ZBTB16: variants seen among roughly 807,000 people sequenced by gnomAD.
The protein encoded by ZBTB16 is zinc finger and BTB domain-containing protein 16.
In ZBTB16, 8 loss-of-function variants were observed where a neutral mutation model predicts 56.8. The ratio of observed to expected loss-of-function variants is 0.14; its 90% confidence interval spans 0.08 to 0.25. The LOEUF (loss-of-function observed/expected upper bound fraction) is 0.25. Ranked by LOEUF, ZBTB16 falls within the 10% of genes least tolerant of loss-of-function variation. The pLI is 1.00. For synonymous variants in ZBTB16, 363 were observed against 368.5 expected (o/e 0.98, Z 0.17); for missense variants, 625 against 903.0 (o/e 0.69, Z 3.95).
chr11:114,065,817 G>A (rs766282054), intron 2 of ZBTB16, among the ~76,000 whole-genome samples: 6 of 152,176 alleles, frequency 3.9e-5, no homozygotes, highest in Non-Finnish European at 8.8e-5. Flanking sequence ...TTCAAATTTA[G>A]GTCCTTACCC....
chr11:114,087,126 A>G (rs1271426097), intron 2 of ZBTB16, among the ~76,000 whole-genome samples: 2 of 152,142 alleles, frequency 1.3e-5, no homozygotes, highest in Admixed American at 6.5e-5. Flanking sequence ...CTGTTTCATC[A>G]TCTGCAAAAT....
intron 4 of ZBTB16, among the ~76,000 whole-genome samples, chr11:114,195,456 G>A (rs980350013): frequency 2.6e-5 from 4 of 152,156 alleles, no homozygotes; most frequent in African/African-American, 9.7e-5. Flanking sequence ...ATGACTGCCT[G>A]GGGACAAGAG....
At chr11:114,115,131 C>A (rs979220641) in intron 2 of ZBTB16, among the ~76,000 whole-genome samples, 2 of 152,162 alleles carry the variant, frequency 1.3e-5, no homozygotes, top group African/African-American at 4.8e-5. Context: ...CTGTATACTT[C>A]TTTAATTTCT....
intron 2 of ZBTB16, among the ~76,000 whole-genome samples, chr11:114,154,613 G>A (rs575763760): frequency 6.6e-6 from 1 of 152,186 alleles, no homozygotes; most frequent in Non-Finnish European, 1.5e-5. Context: ...TCTATTTAGA[G>A]TTAAGAATGT....
In ZBTB16 at chr11:114,186,938, C is replaced by CT. The variant is rs1943373895; in HGVS notation, c.1367-13dup. Reference sequence around the variant, plus strand: ...ACTATTGCTCTAGTGGTAACTGCCTCTCCTTTCTTTCAGCGGGTGCCAAAG... The same window carrying CT: ...ACTATTGCTCTAGTGGTAACTGCCTCTTCCTTTCTTTCAGCGGGTGCCAAAG... On this transcript the variant is annotated splice_polypyrimidine_tract_variant and intron_variant, in intron 3 of 6. Coordinates refer to ENST00000335953, the MANE Select transcript of ZBTB16 (RefSeq NM_006006.6). 1 of 1,613,720 alleles carries CT rather than the reference C, an allele frequency of 6.2e-7. No homozygotes were observed. The highest frequency in any genetic ancestry group is 8.5e-7 in the Non-Finnish European group (1 of 1,179,938).
intron 4 of ZBTB16, among the ~76,000 whole-genome samples, chr11:114,211,980 T>A (rs1944007196): frequency 6.6e-6 from 1 of 152,214 alleles, no homozygotes; most frequent in Admixed American, 6.5e-5. Flanking sequence ...CTCGCCCTCC[T>A]GGCATGTGAT....
chr11:114,204,594 C>A (rs1315362544), intron 4 of ZBTB16, among the ~76,000 whole-genome samples: 1 of 152,186 alleles, frequency 6.6e-6, no homozygotes, highest in Non-Finnish European at 1.5e-5. Flanking sequence ...TCCCCATGAT[C>A]TCTGATGTTC....
At chr11:114,207,023 G>A (rs182663805) in intron 4 of ZBTB16, among the ~76,000 whole-genome samples, 3 of 152,298 alleles carry the variant, frequency 2.0e-5, no homozygotes, top group East Asian at 3.9e-4. Context: ...GTTTTTGAAC[G>A]ACTGCCTCAT....
intron 4 of ZBTB16, chr11:114,187,459 A>G: frequency 3.9e-6 from 1 of 254,322 alleles, no homozygotes; most frequent in African/African-American, 2.2e-5. Context: ...CCTCTGCGAG[A>G]GCTGAGACAT....
chr11:114,160,937 G>A (rs562448695), intron 3 of ZBTB16, among the ~76,000 whole-genome samples: 10 of 152,226 alleles, frequency 6.6e-5, no homozygotes, highest in African/African-American at 2.4e-4. Context: ...CCTGATGGAG[G>A]GTGAAGCTTG....
At chr11:114,230,745 G>T (rs1944428402) in intron 4 of ZBTB16, among the ~76,000 whole-genome samples, 1 of 150,392 alleles carries the variant, frequency 6.6e-6, no homozygotes, top group Non-Finnish European at 1.5e-5. Flanking sequence ...TCTTTTCATT[G>T]CCCAGTGTTT....
intron 4 of ZBTB16, among the ~76,000 whole-genome samples, chr11:114,205,033 T>C (rs1943825727): frequency 6.6e-6 from 1 of 152,104 alleles, no homozygotes; most frequent in African/African-American, 2.4e-5. Context: ...AGCATCTCCA[T>C]ACATTAAGTA....
rs776783909 is a variant in ZBTB16 at position 114,247,378 on chromosome 11, A to G, written c.1792+13A>G. 3.1e-6 allele frequency: 5 copies of G among 1,614,134 alleles called. No homozygotes were observed. Among genetic ancestry groups the G allele is most frequent in the Non-Finnish European group, 4.2e-6 (5 of 1,179,958 alleles). ...AGGGTGCACACAGGTACCGAAGGCC[A>G]GGGAGGGGCCTGAGCTGGCTCTGGG... On this transcript the variant is annotated intron_variant, in intron 6 of 6. Transcript: ENST00000335953.
chr11:114,105,125 T>C (rs964467851), intron 2 of ZBTB16, among the ~76,000 whole-genome samples: 4 of 152,208 alleles, frequency 2.6e-5, no homozygotes, highest in East Asian at 3.8e-4. Flanking sequence ...TCCTGTTAAC[T>C]AACCTAGTTT....
intron 4 of ZBTB16, among the ~76,000 whole-genome samples, chr11:114,205,364 C>T (rs1238579498): frequency 4.6e-5 from 7 of 150,970 alleles, no homozygotes; most frequent in African/African-American, 1.7e-4. Flanking sequence ...GAGCCGAGAT[C>T]GCGCCACTGC....
intron 4 of ZBTB16, chr11:114,189,069 G>A (rs935460266): frequency 1.3e-5 from 2 of 152,244 alleles, no homozygotes; most frequent in African/African-American, 4.8e-5. Context: ...GTAGAGAGTG[G>A]TGAGGGATGA....
chr11:114,100,962 CCCCGGGGGGTTCA>C (rs1940584908), intron 2 of ZBTB16, among the ~76,000 whole-genome samples: 2 of 151,804 alleles, frequency 1.3e-5, no homozygotes, highest in African/African-American at 4.8e-5. Context: ...TCTCGGGGGT[CCCCGGGGGGTTCA>C]TGGCCAGGAG....
At chr11:114,132,329 A>G (rs1941685843) in intron 2 of ZBTB16, among the ~76,000 whole-genome samples, 1 of 152,174 alleles carries the variant, frequency 6.6e-6, no homozygotes, top group Non-Finnish European at 1.5e-5. Flanking sequence ...ACTAAAAAGG[A>G]AAAAACTATG....
At chr11:114,074,226 G>A (rs951185508) in intron 2 of ZBTB16, among the ~76,000 whole-genome samples, 2 of 152,188 alleles carry the variant, frequency 1.3e-5, no homozygotes, top group Non-Finnish European at 2.9e-5. Flanking sequence ...CTCACCCGGC[G>A]TTGTGCTCTA....
Sources: gnomAD v4.1 joint callset for allele counts (sites outside exome capture counted in the v4.1 genomes callset) on GRCh38, gnomAD v4.1.1 for gene constraint, MANE v1.5 for transcripts, NCBI Gene and HGNC (gene_info 2026-07-23, HGNC 2026-07-21) for gene names.